The following FAM168B variants were observed in gnomAD, a reference collection of about 807,000 sequenced individuals.
FAM168B encodes the protein family with sequence similarity 168 member B, also known as myelin-associated neurite-outgrowth inhibitor.
In FAM168B, 19 loss-of-function variants were observed where a neutral mutation model predicts 21.8. The ratio of observed to expected loss-of-function variants is 0.87; its 90% CI spans 0.61 to 1.28. The LOEUF (loss-of-function observed/expected upper bound fraction) is 1.28, where lower values mean the gene tolerates loss of function less well. FAM168B is among the 50% of genes most tolerant of loss of function. The pLI is 0.00. For synonymous variants in FAM168B, 126 were observed against 104.8 expected (o/e 1.20, Z -1.24); for missense variants, 233 against 263.1 (o/e 0.89, Z 0.79).
At chr2:131,069,067 C>G (rs1692722677) in intron 3 of FAM168B, among the ~76,000 whole-genome samples, 1 of 152,218 alleles carries the variant, frequency 6.6e-6, no homozygotes, top group Non-Finnish European at 1.5e-5. Flanking sequence ...CCCCCACAGG[C>G]ACCCAAGGGG....
intron 3 of FAM168B, among the ~76,000 whole-genome samples, chr2:131,055,927 A>G (rs554614230): frequency 5.3e-5 from 8 of 152,340 alleles, no homozygotes; most frequent in South Asian, 4.1e-4. Flanking sequence ...AAAAAATACC[A>G]AAAGAGAACG....
At chr2:131,053,297 GTA>G (rs1250393376) in intron 5 of FAM168B, among the ~76,000 whole-genome samples, 3 of 152,300 alleles carry the variant, frequency 2.0e-5, no homozygotes, top group Admixed American at 2.0e-4. Flanking sequence ...AAACAAATGA[GTA>G]TGCTTCAGCC....
At chr2:131,071,328 G>A (rs1396969072) in intron 3 of FAM168B, among the ~76,000 whole-genome samples, 1 of 152,184 alleles carries the variant, frequency 6.6e-6, no homozygotes, top group African/African-American at 2.4e-5. Context: ...ACCAACACCA[G>A]AGAGTGCAGG....
intron 3 of FAM168B, among the ~76,000 whole-genome samples, chr2:131,069,263 C>T (rs1413078781): frequency 2.0e-5 from 3 of 152,230 alleles, no homozygotes; most frequent in Admixed American, 6.5e-5. Flanking sequence ...AAGTGGGCTA[C>T]CTCTGAAAAT....
At chr2:131,072,113 T>C (rs1469351667) in intron 2 of FAM168B, among the ~76,000 whole-genome samples, 175 bp from the exon 3 acceptor site, 1 of 152,202 alleles carries the variant, frequency 6.6e-6, no homozygotes, top group Non-Finnish European at 1.5e-5. Flanking sequence ...CCCGCAGAAC[T>C]TTGTTTTTTT....
chr2:131,051,939 T>C lies in FAM168B; in HGVS notation c.*526A>G. The C allele has an allele frequency of 1.0e-6, 1 of 985,506 alleles. No individual in the cohort carries two copies. Among genetic ancestry groups the C allele is most frequent in the African/African-American group, 1.7e-5 (1 of 57,368 alleles). The allele number at this position is 985,506 out of a possible 1,614,324, so 61.0% of individuals were successfully genotyped here. ...AAACTAAAATGTCCACATCCCTAAC[T>C]GGCAACCCACATCAACCCCAAAAGG... On this transcript the variant is annotated 3_prime_UTR_variant, in exon 7 of 7. Transcript: ENST00000389915.
Position 131,055,316 on chromosome 2 carries a change from A to AC in FAM168B, c.430dup (p.Val144GlyfsTer94). Reference sequence around the variant, plus strand: ...GGTCCCAGCCACCATGCCCATGGTGACCCCGTTGCCTCTAGGAGGGGGGAT... The same window carrying AC: ...GGTCCCAGCCACCATGCCCATGGTGACCCCCGTTGCCTCTAGGAGGGGGGAT... On this transcript the variant is annotated frameshift_variant, in exon 5 of 7. Coordinates refer to ENST00000389915, the MANE Select transcript of FAM168B (RefSeq NM_001009993.4). LOFTEE classifies it high-confidence loss of function. The AC allele has an allele frequency of 6.3e-7, 1 of 1,583,490 alleles. No individual in the cohort carries two copies. Among genetic ancestry groups the AC allele is most frequent in the Non-Finnish European group, 8.5e-7 (1 of 1,170,026 alleles).
In FAM168B at chr2:131,055,629, G is replaced by C. The variant is rs1002604156; in HGVS notation, c.221C>G (p.Ser74Cys). 1.2e-6 allele frequency: 2 copies of C among 1,612,832 alleles called. No individual in the cohort carries two copies. The highest frequency in any genetic ancestry group is 1.7e-5 in the Admixed American group (1 of 59,844). Residue 74 changes from serine (S) to cysteine (C), a missense_variant, in exon 4 of 7, where the codon TCC becomes TGC. By Grantham distance (112) the Ser-to-Cys change is moderately radical (BLOSUM62 -1). Coordinates refer to ENST00000389915, the MANE Select transcript of FAM168B (RefSeq NM_001009993.4). ...AGTCTGGTAGGGGTTCGGGGAGGAG[G>C]AGTACGGTGGCACAGCCCCGCTGGT... ...SPTSGAVPPY[S>C]SSPNPYQTAV...
intron 3 of FAM168B, among the ~76,000 whole-genome samples, chr2:131,056,802 T>C (rs1692045439): frequency 6.6e-6 from 1 of 152,056 alleles, no homozygotes; most frequent in South Asian, 2.1e-4. Flanking sequence ...CCACACCATG[T>C]CAAAGGAGCC....
intron 3 of FAM168B, among the ~76,000 whole-genome samples, chr2:131,065,099 C>CAAAGTGAGAAGTCAGT (rs1237784826): frequency 1.3e-5 from 2 of 152,100 alleles, no homozygotes; most frequent in Non-Finnish European, 2.9e-5. Flanking sequence ...GTCGGGGCAG[C>CAAAGTGAGAAGTCAGT]AAAGTGAGAA....
intron 1 of FAM168B, among the ~76,000 whole-genome samples, chr2:131,082,910 G>T (rs187438887): frequency 3.9e-5 from 6 of 152,240 alleles, no homozygotes; most frequent in Admixed American, 3.9e-4. Flanking sequence ...AAAATTGTTA[G>T]CTATATGTCC....
At position 131,051,245 on chromosome 2, in the gene FAM168B, C is replaced by T. The variant is rs1183991953; in HGVS notation, c.*1220G>A. 2 of 985,252 alleles carry T rather than the reference C, an allele frequency of 2.0e-6. No individual in the cohort carries two copies. Among genetic ancestry groups the T allele is most frequent in the African/African-American group, 3.5e-5 (2 of 57,206 alleles). The allele number at this position is 985,252 out of a possible 1,614,324, so 61.0% of individuals were successfully genotyped here. On this transcript the variant is annotated 3_prime_UTR_variant, in exon 7 of 7. Transcript: ENST00000389915. ...CTCCAGCCGGCCTCAGCAGACAAGT[C>T]ACCACCATCAGGTGGGTGATCCCAG...
intron 3 of FAM168B, among the ~76,000 whole-genome samples, chr2:131,056,678 T>C (rs542141938): frequency 3.0e-4 from 45 of 152,310 alleles, no homozygotes; most frequent in African/African-American, 1.1e-3. Context: ...ATGGCCCAGA[T>C]GCCCACCAGG....
Position 131,055,489 on chromosome 2 carries a change from G to A in FAM168B, c.298-40C>T, listed in dbSNP as rs372649519. 3.1e-6 allele frequency: 5 copies of A among 1,602,136 alleles called. No homozygotes were observed. In the African/African-American group the frequency reaches 5.4e-5, roughly 17 times the overall value. ...GAGACAACTGACACAGGGTCCCAGGGCCAAAGGATGAACGCCCAGGTGGTA... is the reference window on the plus strand; with the variant it reads ...GAGACAACTGACACAGGGTCCCAGGACCAAAGGATGAACGCCCAGGTGGTA... On this transcript the variant is annotated intron_variant, in intron 4 of 6. Coordinates refer to ENST00000389915, the MANE Select transcript of FAM168B (RefSeq NM_001009993.4).
chr2:131,071,784 C>T, intron 3 of FAM168B, 71 bp downstream of exon 3: 1 of 1,339,346 alleles, frequency 7.5e-7, no homozygotes, highest in East Asian at 2.3e-5. Flanking sequence ...ATACCCACCC[C>T]TCTCAAAATC....
chr2:131,076,510 G>A lies in FAM168B; in HGVS notation c.71-4572C>T, dbSNP rs370803379. On this transcript the variant is annotated intron_variant, in intron 2 of 6. Coordinates refer to ENST00000389915, the MANE Select transcript of FAM168B (RefSeq NM_001009993.4). ...TAAAAGTACAAAAAAAAAATTAGCCGGGTGCAGTGGCGGGCTCCTGTAGTC... is the reference window on the plus strand; with the variant it reads ...TAAAAGTACAAAAAAAAAATTAGCCAGGTGCAGTGGCGGGCTCCTGTAGTC... Among the ~76,000 whole-genome samples, 191 of 152,064 alleles carry A rather than the reference G, an allele frequency of 1.3e-3. 1 individual carries two copies. The highest frequency in any genetic ancestry group is 4.2e-3 in the African/African-American group (175 of 41,486).
rs1039281043 is a variant in FAM168B at position 131,093,282 on chromosome 2, G to A, written c.-80C>T. 1 of 150,210 alleles carries A rather than the reference G, an allele frequency of 6.7e-6. No homozygotes were observed. Among genetic ancestry groups the A allele is most frequent in the African/African-American group, 2.4e-5 (1 of 41,250 alleles). The allele number at this position is 150,210 out of a possible 1,614,324, so 9.3% of individuals were successfully genotyped here. Reference sequence around the variant, plus strand: ...GGCCCGCGGCGGGCTTGGCCGTGGGGCGAAACAAGGGGGGCGTGCCGAGGA... The same window carrying A: ...GGCCCGCGGCGGGCTTGGCCGTGGGACGAAACAAGGGGGGCGTGCCGAGGA... On this transcript the variant is annotated 5_prime_UTR_variant, in exon 1 of 7. Transcript: ENST00000389915.
chr2:131,086,167 T>C (rs1693689410), intron 1 of FAM168B, among the ~76,000 whole-genome samples: 1 of 152,174 alleles, frequency 6.6e-6, no homozygotes, highest in South Asian at 2.1e-4. Context: ...CAAGAAATTG[T>C]GGGGGTCTGC....
intron 1 of FAM168B, among the ~76,000 whole-genome samples, chr2:131,086,060 A>G (rs1693680820): frequency 6.6e-6 from 1 of 152,162 alleles, no homozygotes; most frequent in African/African-American, 2.4e-5. Flanking sequence ...AGGAGAATCA[A>G]TTGTGTGTCT....
Sources: gnomAD v4.1 joint callset for allele counts (sites outside exome capture counted in the v4.1 genomes callset) on GRCh38, gnomAD v4.1.1 for gene constraint, MANE v1.5 for transcripts, NCBI Gene and HGNC (gene_info 2026-07-23, HGNC 2026-07-21) for gene names.